Variants in UGGT2 observed in about 807,000 individuals in gnomAD.
UGGT2 encodes UDP-glucose:glycoprotein glucosyltransferase 2.
Under a neutral mutation model 192.1 loss-of-function variants are expected in UGGT2, and 180 were observed. The observed-to-expected ratio is 0.94, with a 90% CI of 0.83 to 1.06. The LOEUF (loss-of-function observed/expected upper bound fraction) is 1.06. Ranked by LOEUF, UGGT2 falls within the 50% of genes least tolerant of loss-of-function variation. The pLI, the probability that UGGT2 is intolerant of heterozygous loss-of-function variation, is 0.00. For synonymous variants in UGGT2, 580 were observed against 591.0 expected, an observed-to-expected ratio of 0.98 and a Z score of 0.27; for missense variants, 1,849 against 1,795.7, an observed-to-expected ratio of 1.03 and a Z score of -0.54.
At chr13:96,017,218 G>A (rs554969772) in intron 4 of UGGT2, among the ~76,000 whole-genome samples, 2 of 152,294 alleles carry the variant, frequency 1.3e-5, no homozygotes, top group South Asian at 2.1e-4. Context: ...ATGTTGGAAC[G>A]AGTTAAGACA....
At chr13:95,884,832 T>C (rs1489342681) in intron 26 of UGGT2, 152 bp from the exon 27 acceptor site, 2 of 688,158 alleles carry the variant, frequency 2.9e-6, no homozygotes, top group South Asian at 2.4e-5. Flanking sequence ...TTAATGCTTA[T>C]GAGAAATAGA....
chr13:95,921,434 G>A (rs1262642740), intron 20 of UGGT2, among the ~76,000 whole-genome samples: 2 of 151,570 alleles, frequency 1.3e-5, no homozygotes, highest in African/African-American at 4.8e-5. Context: ...GTGTTAGCAT[G>A]CCTCTCCCAC....
intron 12 of UGGT2, 95 bp downstream of exon 12, chr13:95,970,017 G>A: frequency 7.8e-7 from 1 of 1,289,302 alleles, no homozygotes; most frequent in Non-Finnish European, 1.1e-6. Flanking sequence ...GTTCCAAAAT[G>A]CTGACATTTA....
chr13:95,903,608 C>A (rs571620942), intron 20 of UGGT2, among the ~76,000 whole-genome samples: 3 of 129,806 alleles, frequency 2.3e-5, no homozygotes, highest in Non-Finnish European at 1.8e-5. Context: ...TGTTCTTTCC[C>A]CACTCAATAA....
chr13:96,016,809 A>G (rs991716348), intron 4 of UGGT2, among the ~76,000 whole-genome samples: 8 of 152,192 alleles, frequency 5.3e-5, no homozygotes, highest in African/African-American at 1.4e-4. Context: ...TTCAGAACCA[A>G]GGATGGTAGA....
At chr13:95,822,278 C>T (rs1329347295) in intron 38 of UGGT2, among the ~76,000 whole-genome samples, 1 of 151,886 alleles carries the variant, frequency 6.6e-6, no homozygotes, top group Non-Finnish European at 1.5e-5. Flanking sequence ...GGTATATGCC[C>T]AGGTATTTTC....
intron 4 of UGGT2, among the ~76,000 whole-genome samples, chr13:96,021,434 T>C (rs1386227343): frequency 6.6e-6 from 1 of 152,200 alleles, no homozygotes; most frequent in African/African-American, 2.4e-5. Flanking sequence ...GTGAGTCTAA[T>C]AATGCCATAA....
At chr13:95,989,511 T>A in intron 8 of UGGT2, 1 of 346,568 alleles carries the variant, frequency 2.9e-6, no homozygotes, top group Admixed American at 3.0e-5. Context: ...GTACAGAAGC[T>A]GTTCCTAACT....
At chr13:95,841,095 T>C (rs1464343527) in intron 36 of UGGT2, among the ~76,000 whole-genome samples, 2 of 152,116 alleles carry the variant, frequency 1.3e-5, no homozygotes, top group African/African-American at 2.4e-5. Flanking sequence ...AAATACCTAA[T>C]GCATGTGGGG....
intron 27 of UGGT2, among the ~76,000 whole-genome samples, chr13:95,878,886 G>C (rs1019031865): frequency 6.6e-6 from 1 of 152,094 alleles, no homozygotes; most frequent in African/African-American, 2.4e-5. Flanking sequence ...CAAAAAATAA[G>C]TAACTTCTTT....
intron 2 of UGGT2, among the ~76,000 whole-genome samples, chr13:96,027,229 A>T (rs2052696912): frequency 6.6e-6 from 1 of 152,238 alleles, no homozygotes; most frequent in Admixed American, 6.5e-5. Flanking sequence ...AGGGAAGCAG[A>T]GAAAAGTCAA....
intron 26 of UGGT2, among the ~76,000 whole-genome samples, chr13:95,885,991 T>C (rs2047635136): frequency 6.6e-6 from 1 of 152,034 alleles, no homozygotes; most frequent in South Asian, 2.1e-4. Context: ...GGAGCAACTT[T>C]TAAAAAAATT....
At chr13:95,927,469 T>TA in intron 17 of UGGT2, 133 bp from the exon 18 acceptor site, 22 of 295,400 alleles carry the variant, frequency 7.4e-5, no homozygotes, top group Non-Finnish European at 1.0e-4. Context: ...ACATTTTCTT[T>TA]CTTTTTTTTT....
At chr13:95,897,648 G>T (rs974252563) in intron 22 of UGGT2, among the ~76,000 whole-genome samples, 1 of 152,100 alleles carries the variant, frequency 6.6e-6, no homozygotes, top group Non-Finnish European at 1.5e-5. Context: ...CTGCCACATT[G>T]CTGTGATTAT....
At chr13:96,009,850 T>G (rs1007222314) in intron 5 of UGGT2, among the ~76,000 whole-genome samples, 10 of 152,042 alleles carry the variant, frequency 6.6e-5, no homozygotes, top group African/African-American at 2.4e-4. Context: ...TGAACACTTT[T>G]CAAAAGAAGA....
chr13:95,950,657 A>G (rs2050032359), intron 12 of UGGT2, among the ~76,000 whole-genome samples: 1 of 151,518 alleles, frequency 6.6e-6, no homozygotes, highest in Non-Finnish European at 1.5e-5. Flanking sequence ...TAAAATAACT[A>G]TCAATATATT....
rs754066863 is a variant in UGGT2, at chr13:95,900,880, C to G, written c.2561G>C (p.Arg854Pro). ...KYNTVGVNIF[R>P]THQLFCQDVL... is the part of the protein sequence containing the mutation. ...ATCTTGACAGAACAACTGGTGAGTT[C>G]GAAAAATATTCACTCCAACAGTATT... Residue 854 changes from arginine (R) to proline (P), a missense_variant, in exon 22 of 39, where the codon CGA becomes CCA. Physicochemically the swap from Arg to Pro is moderately radical, Grantham distance 103. Coordinates refer to ENST00000376747, the MANE Select transcript of UGGT2 (RefSeq NM_020121.4). The G allele has an allele frequency of 1.2e-6, 2 of 1,610,728 alleles. No homozygotes were observed. Among genetic ancestry groups the G allele is most frequent in the South Asian group, 2.2e-5 (2 of 90,664 alleles).
intron 5 of UGGT2, among the ~76,000 whole-genome samples, chr13:96,001,290 G>C (rs1032175854): frequency 1.3e-5 from 2 of 152,158 alleles, no homozygotes; most frequent in Non-Finnish European, 2.9e-5. Flanking sequence ...ATTACCTTGT[G>C]AAAGTCCTTT....
intron 37 of UGGT2, 44 bp from the exon 38 acceptor site, chr13:95,833,097 G>A (rs1439642925): frequency 6.3e-7 from 1 of 1,595,012 alleles, no homozygotes; most frequent in African/African-American, 1.3e-5. Flanking sequence ...CCATGCTCCT[G>A]GAAACATAAG....
Sources: allele counts gnomAD v4.1 joint callset (sites outside exome capture counted in the v4.1 genomes callset), GRCh38; gene constraint gnomAD v4.1.1; transcripts MANE v1.5; gene names NCBI Gene and HGNC (gene_info 2026-07-23, HGNC 2026-07-21).